The following HERC1 variants were observed in gnomAD, a reference collection of about 807,000 sequenced individuals.
HERC1 encodes probable E3 ubiquitin-protein ligase HERC1.
A neutral mutation model predicts 554.3 loss-of-function variants in HERC1; 160 were observed. The observed-to-expected ratio is 0.29, with a 90% CI of 0.25 to 0.33. The LOEUF (loss-of-function observed/expected upper bound fraction) is 0.33. Among genes scored for constraint, HERC1 ranks in the 10% least tolerant of loss-of-function variants. The pLI is 1.00. For missense variants in HERC1, 4,919 were observed against 5,918.5 expected, an observed-to-expected ratio of 0.83 and a Z score of 5.54; for synonymous variants, 2,175 against 2,131.7, an observed-to-expected ratio of 1.02 and a Z score of -0.56.
chr15:63,784,605 AT>A (rs11338494), intron 1 of HERC1, among the ~76,000 whole-genome samples: 119,703 of 148,510 alleles, frequency 0.81, 49,885 homozygotes, highest in Non-Finnish European at 0.87. Flanking sequence ...TATCATGCAA[AT>A]TTTTTTTTTT....
At chr15:63,744,616 C>T (rs925973348) in intron 12 of HERC1, among the ~76,000 whole-genome samples, 3 of 152,180 alleles carry the variant, frequency 2.0e-5, no homozygotes, top group Non-Finnish European at 2.9e-5. Flanking sequence ...AGCCTCGCCC[C>T]ATAGCTACCA....
At chr15:63,816,668 T>C (rs2077503111) in intron 1 of HERC1, among the ~76,000 whole-genome samples, 1 of 152,222 alleles carries the variant, frequency 6.6e-6, no homozygotes, top group Non-Finnish European at 1.5e-5. Context: ...TTATCAATAA[T>C]GAAGACTTGC....
chr15:63,832,829 A>T (rs2078202825), intron 1 of HERC1, among the ~76,000 whole-genome samples: 6 of 152,214 alleles, frequency 3.9e-5, no homozygotes, highest in Non-Finnish European at 8.8e-5. Flanking sequence ...GCAAGGATAA[A>T]AAAAAATGTG....
chr15:63,692,798 A>C lies in HERC1; in HGVS notation c.5675-232T>G, dbSNP rs1210445109. ...CAATAAAAATGAATATGCTATAACT[A>C]TGATGACTAAGTATAATAAAGAATT... is the stretch of plus-strand genomic sequence containing the variant. On this transcript the variant is annotated intron_variant, in intron 30 of 77. Coordinates refer to ENST00000443617, the MANE Select transcript of HERC1 (RefSeq NM_003922.4). The surrounding 1 kb of genome is among the most constrained non-coding windows in gnomAD (Gnocchi z 4.7). Among the ~76,000 whole-genome samples, 1 of 152,232 alleles carries C rather than the reference A, an allele frequency of 6.6e-6. No individual in the cohort carries two copies. The highest frequency in any genetic ancestry group is 1.5e-5 in the Non-Finnish European group (1 of 68,036).
At chr15:63,737,514 C>CATATATAT (rs1567069940) in intron 12 of HERC1, among the ~76,000 whole-genome samples, 1 of 13,902 alleles carries the variant, frequency 7.2e-5, no homozygotes, top group East Asian at 7.9e-4. Flanking sequence ...ATCTTTTTTC[C>CATATATAT]AGATATATAT....
chr15:63,803,940 T>C (rs550213836), intron 1 of HERC1, among the ~76,000 whole-genome samples: 23 of 152,298 alleles, frequency 1.5e-4, no homozygotes, highest in Admixed American at 1.3e-3. Context: ...TTCATCAAGA[T>C]AGATCAACAG....
At chr15:63,736,135 A>G (rs1478997757) in intron 12 of HERC1, among the ~76,000 whole-genome samples, 2 of 152,342 alleles carry the variant, frequency 1.3e-5, no homozygotes, top group African/African-American at 4.8e-5. Flanking sequence ...GACTTAAAAG[A>G]CCTGAAATGG....
Position 63,640,157 on chromosome 15 carries a change from G to C in HERC1, c.11896C>G (p.Leu3966Val). 6.2e-7 allele frequency: 1 copy of C among 1,613,318 alleles called. No homozygotes were observed. Among genetic ancestry groups the C allele is most frequent in the Non-Finnish European group, 8.5e-7 (1 of 1,179,478 alleles). Residue 3966 changes from leucine (L) to valine (V), a missense_variant, in exon 61 of 78, where the codon CTA (leucine) becomes GTA (valine). By Grantham distance (32) the Leu-to-Val change is conservative. Coordinates refer to ENST00000443617, the MANE Select transcript of HERC1 (RefSeq NM_003922.4). ...GCAGCTCACAGTACATTTACCATTA[G>C]AAATACAAGTTCATCCTCTGGAACA... ...EPVPEDELVFLMDNSKWINGM... is the reference protein window; with the variant it reads ...EPVPEDELVFVMDNSKWINGM...
chr15:63,654,386 A>G, intron 50 of HERC1, 62 bp from the exon 51 acceptor site: 2 of 1,248,234 alleles, frequency 1.6e-6, no homozygotes, highest in Non-Finnish European at 2.3e-6. Flanking sequence ...CTGCTTAAAC[A>G]AAACATGAAA....
intron 69 of HERC1, among the ~76,000 whole-genome samples, chr15:63,629,895 C>T (rs997359330): frequency 3.3e-5 from 5 of 152,132 alleles, no homozygotes; most frequent in Admixed American, 6.5e-5. Context: ...CAAGGTCTCT[C>T]CCTCCTTCAT....
At chr15:63,795,177 C>T (rs1488057837) in intron 1 of HERC1, among the ~76,000 whole-genome samples, 2 of 149,666 alleles carry the variant, frequency 1.3e-5, no homozygotes, top group Non-Finnish European at 1.5e-5. Flanking sequence ...AGTTTTAAAG[C>T]ACAAGTTTCT....
At chr15:63,631,194 T>C (rs1353541891) in intron 68 of HERC1, among the ~76,000 whole-genome samples, 2 of 152,182 alleles carry the variant, frequency 1.3e-5, no homozygotes, top group Admixed American at 1.3e-4. Context: ...ACTTGTCTTG[T>C]CCTCAAACTT....
Position 63,640,308 on chromosome 15 carries a change from G to A in HERC1, c.11745C>T (p.Asp3915=), listed in dbSNP as rs374783494. 5.6e-5 allele frequency: 90 copies of A among 1,613,904 alleles called. No homozygotes were observed. The African/African-American group carries it at 9.2e-4, about 16-fold the overall frequency. ...VPPHHQNCLP[D]PASWNPNEWA... is the part of the protein sequence containing the mutation. Reference sequence around the variant, plus strand: ...ATTCATTTGGATTCCAGGATGCAGGGTCAGGGAGACAGTTCTGGTGGTGTG... The same window carrying A: ...ATTCATTTGGATTCCAGGATGCAGGATCAGGGAGACAGTTCTGGTGGTGTG... Residue 3915 remains aspartate, a synonymous_variant, in exon 61 of 78, where the codon GAC becomes GAT. Transcript: ENST00000443617.
intron 1 of HERC1, among the ~76,000 whole-genome samples, chr15:63,800,244 G>T (rs1221823777): frequency 1.3e-5 from 2 of 152,090 alleles, no homozygotes; most frequent in Non-Finnish European, 1.5e-5. Flanking sequence ...GTTTCAAAGG[G>T]GAAGAGTTTA....
intron 59 of HERC1, among the ~76,000 whole-genome samples, 196 bp downstream of exon 59, chr15:63,642,761 G>GA (rs2069134211): frequency 6.6e-6 from 1 of 152,138 alleles, no homozygotes; most frequent in African/African-American, 2.4e-5. Flanking sequence ...GGGTGTAGTA[G>GA]AAAAAACACT....
chr15:63,659,772 C>T lies in HERC1; in HGVS notation c.9388G>A (p.Ala3130Thr). Residue 3130 changes from alanine (A) to threonine (T), a missense_variant, in exon 47 of 78, where the codon GCC becomes ACC. Transcript: ENST00000443617. Reference sequence around the variant, plus strand: ...AGAGTCTCTTCCATACTGTTGGTGGCTGTGACCATTGCTACTGATGCTCCC... The same window carrying T: ...AGAGTCTCTTCCATACTGTTGGTGGTTGTGACCATTGCTACTGATGCTCCC... Reference protein sequence around the residue: ...PLGASVAMVTATNSMEETLMQ... With the variant: ...PLGASVAMVTTTNSMEETLMQ... The T allele has an allele frequency of 6.2e-7, 1 of 1,613,900 alleles. No individual in the cohort carries two copies. Among genetic ancestry groups the T allele is most frequent in the Non-Finnish European group, 8.5e-7 (1 of 1,179,810 alleles).
Position 63,692,517 on chromosome 15 carries a change from TA to T in HERC1, c.5723del (p.Leu1908Ter). On this transcript the variant is annotated frameshift_variant, in exon 31 of 78. Transcript: ENST00000443617. LOFTEE classifies it high-confidence loss of function. This position sits in a 1 kb window ranked among gnomAD's most constrained non-coding sequence, Gnocchi z 4.7. ...HAAELHLGDF[L>X]VFLRRVVSSK... ...AAGATACAACTCTGCGAAGAAAAAC[TA>T]AAAAATCCCCTAGATGGAGTTCGGC... 1 of 1,613,128 alleles carries T rather than the reference TA, an allele frequency of 6.2e-7. No homozygotes were observed. The highest frequency in any genetic ancestry group is 2.2e-5 in the East Asian group (1 of 44,822).
chr15:63,659,887 T>C lies in HERC1; in HGVS notation c.9273A>G (p.Glu3091=), dbSNP rs368471505. Residue 3091 remains glutamate (E), a synonymous_variant, in exon 47 of 78, where the codon GAA becomes GAG. Coordinates refer to ENST00000443617, the MANE Select transcript of HERC1 (RefSeq NM_003922.4). ...DVDEDEKLTG[E]EEFELLAGPL... Reference sequence around the variant, plus strand: ...GTCCAGCAAGTAATTCAAATTCTTCTTCACCAGTTAGCTTTTCATCTTCAT... The same window carrying C: ...GTCCAGCAAGTAATTCAAATTCTTCCTCACCAGTTAGCTTTTCATCTTCAT... 1.7e-5 allele frequency: 28 copies of C among 1,613,770 alleles called. No homozygotes were observed. Among genetic ancestry groups the C allele is most frequent in the Non-Finnish European group, 2.2e-5 (26 of 1,179,828 alleles).
chr15:63,663,046 G>A lies in HERC1; in HGVS notation c.8839C>T (p.Leu2947=). ...EAMEAMFGQD[L]TSDNDILGMW... ...CCCAGAATATCATTGTCACTGGTCA[G>A]GTCTTGTCCAAACATAGCTTCCATC... The change falls in exon 44 of 78, where the codon CTG becomes TTG. Residue 2947 remains leucine, a synonymous_variant. Transcript: ENST00000443617. 1 of 1,613,910 alleles carries A rather than the reference G, an allele frequency of 6.2e-7. No individual in the cohort carries two copies. The highest frequency in any genetic ancestry group is 8.5e-7 in the Non-Finnish European group (1 of 1,179,868).
Sources: allele counts gnomAD v4.1 joint callset (sites outside exome capture counted in the v4.1 genomes callset), GRCh38; gene constraint gnomAD v4.1.1; non-coding constraint Gnocchi (gnomAD v3.1); transcripts MANE v1.5; gene names NCBI Gene and HGNC (gene_info 2026-07-23, HGNC 2026-07-21).